The following STK3 variants were observed in gnomAD, a reference collection of about 807,000 sequenced individuals.
The protein encoded by STK3 is serine/threonine-protein kinase 3.
STK3 carries 41 observed loss-of-function variants against 58.0 expected under a neutral mutation model. The ratio of observed to expected loss-of-function variants is 0.71; its 90% CI spans 0.55 to 0.92. The LOEUF (loss-of-function observed/expected upper bound fraction) is 0.92, where lower values mean the gene tolerates loss of function less well. STK3 is among the 40% of genes least tolerant of loss of function. The probability of loss-of-function intolerance (pLI) is 0.00; values close to 1 mark genes in which losing one functional copy is unlikely to be tolerated. For missense variants in STK3, 479 were observed against 602.7 expected (o/e 0.79, Z 2.15); for synonymous variants, 170 against 191.0 (o/e 0.89, Z 0.91).
intron 6 of STK3, among the ~76,000 whole-genome samples, chr8:98,621,225 CCA>C (rs1426691778): frequency 2.0e-5 from 3 of 152,222 alleles, no homozygotes; most frequent in Non-Finnish European, 4.4e-5. Flanking sequence ...CAGGCATGAG[CCA>C]CCGCGCCCGG....
chr8:98,819,913 A>C (rs1834777476), intron 1 of STK3, among the ~76,000 whole-genome samples: 1 of 152,128 alleles, frequency 6.6e-6, no homozygotes, highest in South Asian at 2.1e-4. Flanking sequence ...TCTCTCACCC[A>C]CTTCCATTCA....
the STK3 span, among the ~76,000 whole-genome samples, chr8:98,345,777 T>C: frequency 6.6e-6 from 1 of 152,090 alleles, no homozygotes; most frequent in Non-Finnish European, 1.5e-5. Context: ...TGAGTTCTTC[T>C]ATATTTCAAA....
intron 3 of STK3, among the ~76,000 whole-genome samples, chr8:98,395,973 A>AT (rs907548540): frequency 6.6e-6 from 1 of 152,156 alleles, no homozygotes; most frequent in Non-Finnish European, 1.5e-5. Flanking sequence ...ACACCACTGA[A>AT]TTTTTTTGTA....
chr8:98,391,446 G>A (rs556408679), upstream of STK3: 98 of 152,128 alleles, frequency 6.4e-4, no homozygotes, highest in Non-Finnish European at 1.0e-3. Context: ...ACCTTTATGC[G>A]GTCACTTCCC....
chr8:98,482,958 G>A (rs928230032), intron 10 of STK3, among the ~76,000 whole-genome samples: 13 of 152,052 alleles, frequency 8.5e-5, no homozygotes, highest in Admixed American at 6.5e-5. Context: ...GAAAGCATAC[G>A]GATTTTATAA....
intron 6 of STK3, among the ~76,000 whole-genome samples, chr8:98,600,287 A>T (rs1816217925): frequency 6.6e-6 from 1 of 152,190 alleles, no homozygotes; most frequent in African/African-American, 2.4e-5. Flanking sequence ...GGTACATAAC[A>T]GCACCATTAT....
intron 1 of STK3, among the ~76,000 whole-genome samples, chr8:98,799,565 G>A (rs1251945773): frequency 6.6e-6 from 1 of 152,136 alleles, no homozygotes; most frequent in African/African-American, 2.4e-5. Context: ...TATGTGGAAT[G>A]TCTACCTATA....
At chr8:98,542,072 G>A (rs1481016462) in intron 9 of STK3, among the ~76,000 whole-genome samples, 1 of 152,162 alleles carries the variant, frequency 6.6e-6, no homozygotes, top group Admixed American at 6.5e-5. Flanking sequence ...CTAAATGGTA[G>A]TGAAATGCTA....
At chr8:98,756,817 C>T (rs974350642) in intron 3 of STK3, among the ~76,000 whole-genome samples, 3 of 152,166 alleles carry the variant, frequency 2.0e-5, no homozygotes, top group Non-Finnish European at 4.4e-5. Flanking sequence ...AAGCCCAAAC[C>T]TCCAACCACC....
chr8:98,905,918 A>C (rs528704315), intron 1 of STK3, among the ~76,000 whole-genome samples: 27 of 152,358 alleles, frequency 1.8e-4, no homozygotes, highest in African/African-American at 5.5e-4. Flanking sequence ...AGTGAGGTAC[A>C]GAAACAGCCA....
intron 3 of STK3, among the ~76,000 whole-genome samples, chr8:98,424,700 G>A (rs1387782750): frequency 6.6e-6 from 1 of 152,242 alleles, no homozygotes; most frequent in African/African-American, 2.4e-5. Flanking sequence ...CATGAAGCAG[G>A]GGAGGGAGGA....
the STK3 span, among the ~76,000 whole-genome samples, chr8:98,359,344 TAAAAAAAAAAAAAA>T: frequency 2.2e-3 from 124 of 55,720 alleles, no homozygotes; most frequent in Non-Finnish European, 3.1e-3. Context: ...CCATCTCAAC[TAAAAAAAAAAAAAA>T]AAAAAAAAAA....
intron 8 of STK3, 68 bp downstream of exon 8, chr8:98,579,596 T>C: frequency 1.3e-6 from 2 of 1,536,438 alleles, no homozygotes; most frequent in Non-Finnish European, 1.8e-6. Flanking sequence ...GCTTTTAATA[T>C]ATTTTAACAG....
At chr8:98,839,727 A>G (rs1835891977) in intron 3 of STK3, among the ~76,000 whole-genome samples, 1 of 152,186 alleles carries the variant, frequency 6.6e-6, no homozygotes, top group African/African-American at 2.4e-5. Context: ...TACGATTTCA[A>G]TCTCAGTCTT....
chr8:98,681,761 A>G (rs1431925541), intron 6 of STK3, among the ~76,000 whole-genome samples: 4 of 152,212 alleles, frequency 2.6e-5, no homozygotes, highest in African/African-American at 9.6e-5. Flanking sequence ...CCAAACTTGA[A>G]ACCAACTACA....
intron 10 of STK3, among the ~76,000 whole-genome samples, chr8:98,494,542 C>A (rs1404533855): frequency 6.7e-6 from 1 of 150,252 alleles, no homozygotes; most frequent in African/African-American, 2.4e-5. Context: ...GTAATCCCAG[C>A]ACTTTGGGAG....
chr8:98,439,655 A>G (rs1586571572), intron 1 of STK3, among the ~76,000 whole-genome samples: 1 of 152,342 alleles, frequency 6.6e-6, no homozygotes, highest in East Asian at 1.9e-4. Flanking sequence ...ACACATGCGC[A>G]CACAGTTGGG....
intron 3 of STK3, among the ~76,000 whole-genome samples, chr8:98,424,482 A>G (rs535449635): frequency 1.1e-3 from 165 of 152,302 alleles, no homozygotes; most frequent in African/African-American, 3.2e-3. Context: ...TGAGAGGGGC[A>G]AGGAGTGGCC....
chr8:98,893,472 A>G lies in STK3; in HGVS notation c.-78-9638T>C, dbSNP rs1323894041. On this transcript the variant is annotated intron_variant, in intron 1 of 1. Coordinates refer to the STK3 transcript ENST00000519420. ...AAAGAAAGAAAGAAAGAAAGAAAGA[A>G]AGAAAGAAAGAAAGAGAAAGAAAGA... 3.8e-4 allele frequency among the ~76,000 whole-genome samples: 33 copies of G among 86,178 alleles called. 1 individual carries two copies. The highest frequency in any genetic ancestry group is 2.4e-4 in the Admixed American group (2 of 8,462). 56.5% of individuals were successfully genotyped at this position (86,178 alleles called of 152,430 possible).
Sources: gnomAD v4.1 joint callset for allele counts (sites outside exome capture counted in the v4.1 genomes callset) on GRCh38, gnomAD v4.1.1 for gene constraint, MANE v1.5 for transcripts, NCBI Gene and HGNC (gene_info 2026-07-23, HGNC 2026-07-21) for gene names.